Variants in LRRC4B observed in about 807,000 individuals in gnomAD.
LRRC4B encodes leucine rich repeat containing 4B, also known as leucine-rich repeat-containing protein 4B.
In LRRC4B, 1 loss-of-function variant was observed where a neutral mutation model predicts 7.3. That is an observed-to-expected ratio of 0.14 (90% CI 0.05 to 0.65). The LOEUF (loss-of-function observed/expected upper bound fraction) is 0.65. LRRC4B is among the 30% of genes least tolerant of loss of function. The probability of loss-of-function intolerance (pLI) is 0.84; values close to 1 mark genes in which losing one functional copy is unlikely to be tolerated. For synonymous variants in LRRC4B, 500 were observed against 499.2 expected (o/e 1.00, Z -0.02); for missense variants, 730 against 1,041.6 (o/e 0.70, Z 4.12).
intron 1 of LRRC4B, among the ~76,000 whole-genome samples, chr19:50,564,879 C>A (rs1415621763): frequency 7.0e-6 from 1 of 142,276 alleles, no homozygotes; most frequent in Admixed American, 7.3e-5. Context: ...GCGGCCACCC[C>A]CGCCCCCAAT....
At chr19:50,558,775 A>G (rs1212315606) in intron 1 of LRRC4B, among the ~76,000 whole-genome samples, 3 of 152,204 alleles carry the variant, frequency 2.0e-5, no homozygotes, top group Non-Finnish European at 4.4e-5. Context: ...TCCTGCTTGG[A>G]ACTGCTTCTG....
intron 2 of LRRC4B, among the ~76,000 whole-genome samples, chr19:50,535,009 C>T (rs1046167767): frequency 6.6e-6 from 1 of 151,878 alleles, no homozygotes; most frequent in South Asian, 2.1e-4. Flanking sequence ...GCTGGGATTA[C>T]AGGCGCCTGC....
At chr19:50,560,081 G>C (rs923122504) in intron 1 of LRRC4B, among the ~76,000 whole-genome samples, 2 of 152,192 alleles carry the variant, frequency 1.3e-5, no homozygotes, top group African/African-American at 4.8e-5. Context: ...GTTGCAGTGA[G>C]CCGAGATCGC....
Position 50,555,190 on chromosome 19 carries a change from C to T in LRRC4B, c.-35-6317G>A, listed in dbSNP as rs184473294. Among the ~76,000 whole-genome samples the T allele has an allele frequency of 6.6e-6, 1 of 152,358 alleles. No homozygotes were observed. Among genetic ancestry groups the T allele is most frequent in the East Asian group, 1.9e-4 (1 of 5,192 alleles). On this transcript the variant is annotated intron_variant, in intron 1 of 2. Coordinates refer to ENST00000652263, the MANE Select transcript of LRRC4B (RefSeq NM_001080457.2). The surrounding 1 kb of genome is among the most constrained non-coding windows in gnomAD (Gnocchi z 5.2). ...AAGCTGCTGGCTTCTCCCCACGGCC[C>T]TGGGAGGAAGGGATGGTTCTTGTGC... is the stretch of plus-strand genomic sequence containing the variant.
intron 1 of LRRC4B, among the ~76,000 whole-genome samples, chr19:50,549,543 G>A (rs1312058877): frequency 6.6e-6 from 1 of 152,236 alleles, no homozygotes; most frequent in African/African-American, 2.4e-5. Flanking sequence ...GCCCTGTGGG[G>A]GCCTCACAGC....
In LRRC4B at chr19:50,537,538, CAA is replaced by C. The variant is rs1278230188; in HGVS notation, c.297+11002_297+11003del. Among the ~76,000 whole-genome samples, 1 of 152,164 alleles carries C rather than the reference CAA, an allele frequency of 6.6e-6. No homozygotes were observed. Among genetic ancestry groups the C allele is most frequent in the African/African-American group, 2.4e-5 (1 of 41,434 alleles). On this transcript the variant is annotated intron_variant, in intron 2 of 2. Coordinates refer to ENST00000652263, the MANE Select transcript of LRRC4B (RefSeq NM_001080457.2). The surrounding 1 kb of genome is among the most constrained non-coding windows in gnomAD (Gnocchi z 5.5). The stretch of plus-strand genomic sequence containing the variant: ...TGCCTCTCAGGACTCGCAGGCTGCT[CAA>C]CAGAGATGTGGGACTGATACTCCCA...
intron 2 of LRRC4B, among the ~76,000 whole-genome samples, chr19:50,520,144 T>A (rs1178529580): frequency 7.7e-6 from 1 of 129,946 alleles, no homozygotes; most frequent in African/African-American, 3.0e-5. Context: ...AAGTGAAGGC[T>A]GCAGTGAGCC....
chr19:50,520,203 C>CA lies in LRRC4B; in HGVS notation c.298-789dup, dbSNP rs1173919963. Among the ~76,000 whole-genome samples the CA allele has an allele frequency of 6.4e-4, 6 of 9,382 alleles. 1 individual carries two copies. Among genetic ancestry groups the CA allele is most frequent in the Non-Finnish European group, 1.1e-3 (6 of 5,268 alleles). The allele number at this position is 9,382 out of a possible 152,430, so 6.2% of individuals were successfully genotyped here. On this transcript the variant is annotated intron_variant, in intron 2 of 2. Transcript: ENST00000652263. ...CCTGGGCAATGAAGTAATACCCTGTCAAAAAAAAAAAAAAAAAAAAAAAAA... is the reference window on the plus strand; with the variant it reads ...CCTGGGCAATGAAGTAATACCCTGTCAAAAAAAAAAAAAAAAAAAAAAAAAA...
chr19:50,559,721 G>T (rs1027963386), intron 1 of LRRC4B, among the ~76,000 whole-genome samples: 3 of 152,270 alleles, frequency 2.0e-5, no homozygotes, highest in Non-Finnish European at 4.4e-5. Context: ...GTTGTGCATA[G>T]TTATTTTGTT....
rs3058937 is a variant in LRRC4B, at chr19:50,553,991, C to CT, written c.-35-5119dup. ...GGAGGCCTGCTGGCAGAGGCAGCACCTTTTTTTTTTTTTTTTTTTTGAGAC... is the reference window on the plus strand; with the variant it reads ...GGAGGCCTGCTGGCAGAGGCAGCACCTTTTTTTTTTTTTTTTTTTTTGAGAC... On this transcript the variant is annotated intron_variant, in intron 1 of 2. Coordinates refer to ENST00000652263, the MANE Select transcript of LRRC4B (RefSeq NM_001080457.2). This position sits in a 1 kb window ranked among gnomAD's most constrained non-coding sequence, Gnocchi z 4.2. Among the ~76,000 whole-genome samples, 5,133 of 111,764 alleles carry CT rather than the reference C, an allele frequency of 0.046. 460 individuals are homozygous for CT. The highest frequency in any genetic ancestry group is 0.14 in the African/African-American group (3,919 of 28,232). 73.3% of individuals were successfully genotyped at this position (111,764 alleles called of 152,430 possible).
intron 2 of LRRC4B, among the ~76,000 whole-genome samples, chr19:50,532,421 C>T (rs1182229604): frequency 6.6e-6 from 1 of 152,138 alleles, no homozygotes; most frequent in East Asian, 1.9e-4. Context: ...TGTCAGAGGC[C>T]CTTCAGAACC....
At chr19:50,564,209 C>T (rs754238870) in intron 1 of LRRC4B, among the ~76,000 whole-genome samples, 2 of 152,096 alleles carry the variant, frequency 1.3e-5, no homozygotes, top group Non-Finnish European at 2.9e-5. Flanking sequence ...AGGGGGAAGA[C>T]GATTCCAAAA....
At position 50,556,481 on chromosome 19, in the gene LRRC4B, G is replaced by A. The variant is rs1041722848; in HGVS notation, c.-35-7608C>T. Among the ~76,000 whole-genome samples the A allele has an allele frequency of 7.2e-5, 11 of 152,128 alleles. No individual in the cohort carries two copies. Among genetic ancestry groups the A allele is most frequent in the Admixed American group, 5.9e-4 (9 of 15,272 alleles). The stretch of plus-strand genomic sequence containing the variant: ...GGGGGTGCTCTTCCTGGGGTCAGGG[G>A]GGGCTCTGCGTTCCCACGACACCTC... On this transcript the variant is annotated intron_variant, in intron 1 of 2. Coordinates refer to ENST00000652263, the MANE Select transcript of LRRC4B (RefSeq NM_001080457.2). The surrounding 1 kb of genome is among the most constrained non-coding windows in gnomAD (Gnocchi z 4.2).
rs1453900755 is a variant in LRRC4B, at chr19:50,563,528, G to A, written c.-36+4416C>T. On this transcript the variant is annotated intron_variant, in intron 1 of 2. Transcript: ENST00000652263. The surrounding 1 kb of genome is among the most constrained non-coding windows in gnomAD (Gnocchi z 4.9). Reference sequence around the variant, plus strand: ...GCCCTGTCCTTTGCACCCCTATCTGGAGGTGAGGCCCTCCCTCCAGAAACA... The same window carrying A: ...GCCCTGTCCTTTGCACCCCTATCTGAAGGTGAGGCCCTCCCTCCAGAAACA... Among the ~76,000 whole-genome samples the A allele has an allele frequency of 1.3e-5, 2 of 152,168 alleles. No homozygotes were observed. The highest frequency in any genetic ancestry group is 4.8e-5 in the African/African-American group (2 of 41,436).
At chr19:50,535,103 C>T (rs558850490) in intron 2 of LRRC4B, among the ~76,000 whole-genome samples, 19 of 152,262 alleles carry the variant, frequency 1.2e-4, no homozygotes, top group Non-Finnish European at 2.5e-4. Flanking sequence ...CTCCTGACCT[C>T]ATGATCTGCC....
At position 50,537,844 on chromosome 19, in the gene LRRC4B, T is replaced by C. The variant is rs1313714542; in HGVS notation, c.297+10698A>G. Among the ~76,000 whole-genome samples, 2 of 151,770 alleles carry C rather than the reference T, an allele frequency of 1.3e-5. No homozygotes were observed. The highest frequency in any genetic ancestry group is 6.6e-5 in the Admixed American group (1 of 15,212). ...CTGCTGAGGGAATGAAGAGGATAACTCAGCTGGAATGAGAGCCAGGGAGGC... is the reference window on the plus strand; with the variant it reads ...CTGCTGAGGGAATGAAGAGGATAACCCAGCTGGAATGAGAGCCAGGGAGGC... On this transcript the variant is annotated intron_variant, in intron 2 of 2. Transcript: ENST00000652263. This position sits in a 1 kb window ranked among gnomAD's most constrained non-coding sequence, Gnocchi z 5.5.
intron 2 of LRRC4B, among the ~76,000 whole-genome samples, chr19:50,521,000 C>T (rs901698156): frequency 4.6e-5 from 7 of 152,086 alleles, no homozygotes; most frequent in South Asian, 4.1e-4. Flanking sequence ...AAATGTTCCT[C>T]AGCAGGTGAA....
At chr19:50,536,151 T>TA (rs918895262) in intron 2 of LRRC4B, among the ~76,000 whole-genome samples, 1 of 150,080 alleles carries the variant, frequency 6.7e-6, no homozygotes, top group African/African-American at 2.5e-5. Context: ...TTTTTTTTTT[T>TA]ATGATGGAGT....
chr19:50,525,665 C>T (rs1980778664), intron 2 of LRRC4B, among the ~76,000 whole-genome samples: 1 of 151,638 alleles, frequency 6.6e-6, no homozygotes, highest in Admixed American at 6.6e-5. Flanking sequence ...GGTGATCTGC[C>T]CAACTCGGCC....
Sources: allele counts gnomAD v4.1 joint callset (sites outside exome capture counted in the v4.1 genomes callset), GRCh38; gene constraint gnomAD v4.1.1; non-coding constraint Gnocchi (gnomAD v3.1); transcripts MANE v1.5; gene names NCBI Gene and HGNC (gene_info 2026-07-23, HGNC 2026-07-21).